The following STAT3 variants were observed in gnomAD, a reference collection of about 807,000 sequenced individuals.
STAT3 encodes the protein DNA-binding protein APRF.
Under a neutral mutation model 114.3 loss-of-function variants are expected in STAT3, and 7 were observed. The observed-to-expected ratio is 0.06, with a 90% CI of 0.03 to 0.11. The LOEUF (loss-of-function observed/expected upper bound fraction) is 0.11, where lower values mean the gene tolerates loss of function less well. Among genes scored for constraint, STAT3 ranks in the 10% least tolerant of loss-of-function variants. The pLI, the probability that STAT3 is intolerant of heterozygous loss-of-function variation, is 1.00. For synonymous variants in STAT3, 331 were observed against 354.5 expected (o/e 0.93, Z 0.74); for missense variants, 364 against 960.9 (o/e 0.38, Z 8.21).
In STAT3 at chr17:42,337,499, T is replaced by C. The variant is rs1279915769; in HGVS notation, c.733A>G (p.Arg245Gly). The C allele has an allele frequency of 6.2e-7, 1 of 1,614,192 alleles. No homozygotes were observed. ...CCAATGCAGGCAATCTGTTGCCGCC[T>C]CTTCCAGTCAGCCAGCTCCTCGTCC... ...LTDEELADWKRRQQIACIGGP... is the reference protein window; with the variant it reads ...LTDEELADWKGRQQIACIGGP... The change falls in exon 8 of 24, where the codon AGG becomes GGG. Residue 245 changes from arginine to glycine, a missense_variant. By Grantham distance (125) the Arg-to-Gly change is moderately radical (BLOSUM62 -2). Transcript: ENST00000264657. The surrounding 1 kb of genome is among the most constrained non-coding windows in gnomAD (Gnocchi z 4.0).
At chr17:42,327,580 T>C (rs1281440828) in intron 14 of STAT3, among the ~76,000 whole-genome samples, 1 of 152,222 alleles carries the variant, frequency 6.6e-6, no homozygotes, top group Non-Finnish European at 1.5e-5. Context: ...TATATATGTC[T>C]CCTGGGACAT....
chr17:42,326,306 G>A (rs922103782), intron 14 of STAT3, 107 bp from the exon 15 acceptor site: 22 of 958,362 alleles, frequency 2.3e-5, no homozygotes, highest in South Asian at 2.2e-4. Flanking sequence ...CCAGGAGTTC[G>A]AGACCAGTCT....
intron 21 of STAT3, among the ~76,000 whole-genome samples, chr17:42,319,777 A>G (rs1479661020): frequency 6.6e-6 from 1 of 152,134 alleles, no homozygotes; most frequent in African/African-American, 2.4e-5. Flanking sequence ...TAGAGAGGAA[A>G]TGGTCACATG....
In STAT3 at chr17:42,333,409, CAGA is replaced by C. The variant is rs756858977; in HGVS notation, c.1049+261_1049+263del. Among the ~76,000 whole-genome samples, 5 of 152,078 alleles carry C rather than the reference CAGA, an allele frequency of 3.3e-5. No individual in the cohort carries two copies. The highest frequency in any genetic ancestry group is 7.4e-5 in the Non-Finnish European group (5 of 68,026). Reference sequence around the variant, plus strand: ...AGATGACATTATTTTGTCCCTTGGGCAGAAGGAGAAGCTGTGGCCTGAGACTCC... The same window carrying C: ...AGATGACATTATTTTGTCCCTTGGGCAGGAGAAGCTGTGGCCTGAGACTCC... On this transcript the variant is annotated intron_variant, in intron 10 of 23. Coordinates refer to ENST00000264657, the MANE Select transcript of STAT3 (RefSeq NM_139276.3). The surrounding 1 kb of genome is among the most constrained non-coding windows in gnomAD (Gnocchi z 5.2).
rs2082118314 is a variant in STAT3, at chr17:42,333,762, G to A, written c.960C>T (p.Ala320=). Residue 320 remains alanine (A), a synonymous_variant, in exon 10 of 24, where the codon GCC becomes GCT. Transcript: ENST00000264657. The surrounding 1 kb of genome is among the most constrained non-coding windows in gnomAD (Gnocchi z 5.2). The part of the protein sequence containing the change: ...VELFRNLMKS[A]FVVERQPCMP... The stretch of plus-strand genomic sequence containing the variant: ...TGCAGGGCTGCCGCTCCACCACAAA[G>A]GCACTGAGGAAAGAGAAGATGGGCT... 6.2e-7 allele frequency: 1 copy of A among 1,614,196 alleles called. No individual in the cohort carries two copies. The highest frequency in any genetic ancestry group is 8.5e-7 in the Non-Finnish European group (1 of 1,180,036).
intron 5 of STAT3, 53 bp downstream of exon 5, chr17:42,339,261 A>AC: frequency 6.3e-7 from 1 of 1,590,776 alleles, no homozygotes; most frequent in African/African-American, 1.3e-5. Flanking sequence ...GTCTCAAAAA[A>AC]AAAAAAAAAA....
intron 2 of STAT3, among the ~76,000 whole-genome samples, chr17:42,347,934 T>C (rs1237747146): frequency 6.6e-6 from 1 of 152,174 alleles, no homozygotes; most frequent in East Asian, 1.9e-4. Context: ...TTCTTATAAA[T>C]TACCCAGTCT....
At chr17:42,341,905 C>T (rs1044027198) in intron 4 of STAT3, among the ~76,000 whole-genome samples, 5 of 151,950 alleles carry the variant, frequency 3.3e-5, no homozygotes, top group Admixed American at 6.6e-5. Context: ...ATTTGGGCCA[C>T]GCTCACAGTT....
At chr17:42,328,225 A>G (rs1353289696) in intron 14 of STAT3, among the ~76,000 whole-genome samples, 1 of 152,158 alleles carries the variant, frequency 6.6e-6, no homozygotes, top group Non-Finnish European at 1.5e-5. Flanking sequence ...CTTAATATAC[A>G]TATGAATACA....
intron 1 of STAT3, among the ~76,000 whole-genome samples, chr17:42,375,852 G>A (rs2084424176): frequency 6.7e-6 from 1 of 149,748 alleles, no homozygotes; most frequent in Admixed American, 6.7e-5. Context: ...GAAAAAGAAA[G>A]AAAGAAAAGA....
In STAT3 at chr17:42,314,392, G is replaced by A. The variant is rs1289679848; in HGVS notation, c.*1353C>T. On this transcript the variant is annotated 3_prime_UTR_variant, in exon 24 of 24. Transcript: ENST00000264657. ...TCCCCCTCTTCTTCCATGAGGTCCT[G>A]AGACCAGGATTCCTAAAACAAACAG... 1.8e-5 allele frequency: 4 copies of A among 219,696 alleles called. No homozygotes were observed. The highest frequency in any genetic ancestry group is 2.7e-5 in the Non-Finnish European group (3 of 109,754). The allele number at this position is 219,696 out of a possible 1,614,324, so 13.6% of individuals were successfully genotyped here.
chr17:42,317,933 A>G (rs1204226850), intron 21 of STAT3, among the ~76,000 whole-genome samples: 3 of 152,142 alleles, frequency 2.0e-5, no homozygotes, highest in Non-Finnish European at 1.5e-5. Flanking sequence ...GGAGCAAGGC[A>G]TGGTCTCTCT....
intron 3 of STAT3, among the ~76,000 whole-genome samples, chr17:42,345,935 G>A (rs540520985): frequency 2.0e-4 from 30 of 150,574 alleles, no homozygotes; most frequent in Non-Finnish European, 2.4e-4. Context: ...GTGCAGTGGC[G>A]CAATCACGGC....
At position 42,339,328 on chromosome 17, in the gene STAT3, G is replaced by T; in HGVS notation, c.454C>A (p.Arg152=). The change falls in exon 5 of 24, where the codon CGG becomes AGG. Residue 152 remains arginine (R), a synonymous_variant. Coordinates refer to ENST00000264657, the MANE Select transcript of STAT3 (RefSeq NM_139276.3). The part of the protein sequence containing the change: ...QMLEQHLQDV[R]KRVQDLEQKM... ...ACTTGCATCACCTGCACTCTCTTCC[G>T]GACATCCTGAAGGTGCTGCTCCAGC... is the stretch of plus-strand genomic sequence containing the variant. The T allele has an allele frequency of 1.9e-6, 3 of 1,613,574 alleles. No individual in the cohort carries two copies. Among genetic ancestry groups the T allele is most frequent in the Non-Finnish European group, 2.5e-6 (3 of 1,179,922 alleles).
In STAT3 at chr17:42,337,512, C is replaced by T. The variant is rs1254240739; in HGVS notation, c.720G>A (p.Leu240=). The change falls in exon 8 of 24, where the codon CTG becomes CTA. Residue 240 remains leucine, a synonymous_variant. Coordinates refer to ENST00000264657, the MANE Select transcript of STAT3 (RefSeq NM_139276.3). The surrounding 1 kb of genome is among the most constrained non-coding windows in gnomAD (Gnocchi z 4.0). ...YVQKTLTDEE[L]ADWKRRQQIA... ...TCTGTTGCCGCCTCTTCCAGTCAGC[C>T]AGCTCCTCGTCCGTGAGAGTTTTCT... The T allele has an allele frequency of 1.2e-6, 2 of 1,614,222 alleles. No homozygotes were observed. The highest frequency in any genetic ancestry group is 1.3e-5 in the African/African-American group (1 of 75,050).
intron 14 of STAT3, among the ~76,000 whole-genome samples, chr17:42,326,552 C>T (rs1026894126): frequency 6.6e-6 from 1 of 151,808 alleles, no homozygotes; most frequent in Non-Finnish European, 1.5e-5. Context: ...AGCGTGATGG[C>T]TCACACCTAC....
intron 23 of STAT3, 78 bp from the exon 24 acceptor site, chr17:42,315,878 G>C: frequency 1.9e-6 from 3 of 1,611,412 alleles, no homozygotes; most frequent in Non-Finnish European, 2.5e-6. Flanking sequence ...GCCCTTCAGA[G>C]GACAGGGCCC....
At chr17:42,328,454 C>G (rs184659732) in intron 14 of STAT3, among the ~76,000 whole-genome samples, 1 of 152,222 alleles carries the variant, frequency 6.6e-6, no homozygotes, top group East Asian at 1.9e-4. Context: ...GTTGCCCAGG[C>G]TAGAGTGCAG....
chr17:42,365,493 A>G (rs2083729087), intron 1 of STAT3, among the ~76,000 whole-genome samples: 1 of 152,158 alleles, frequency 6.6e-6, no homozygotes, highest in African/African-American at 2.4e-5. Flanking sequence ...GCTTTAGGCC[A>G]CTAAGTCTGA....
Sources: allele counts gnomAD v4.1 joint callset (sites outside exome capture counted in the v4.1 genomes callset), GRCh38; gene constraint gnomAD v4.1.1; non-coding constraint Gnocchi (gnomAD v3.1); transcripts MANE v1.5; gene names NCBI Gene and HGNC (gene_info 2026-07-23, HGNC 2026-07-21).